RAB11FIP4: variants seen among roughly 807,000 people sequenced by gnomAD.
RAB11FIP4 encodes the protein RAB11 family interacting protein 4, also known as rab11 family-interacting protein 4.
A neutral mutation model predicts 74.3 loss-of-function variants in RAB11FIP4; 23 were observed. The observed-to-expected ratio is 0.31, with a 90% confidence interval of 0.22 to 0.44. The LOEUF (loss-of-function observed/expected upper bound fraction) is 0.44. Ranked by LOEUF, RAB11FIP4 falls within the 20% of genes least tolerant of loss-of-function variation. The pLI is 1.00. For synonymous variants in RAB11FIP4, 360 were observed against 359.9 expected (o/e 1.00, Z 0.00); for missense variants, 630 against 863.9 (o/e 0.73, Z 3.39).
intron 1 of RAB11FIP4, among the ~76,000 whole-genome samples, chr17:31,397,018 G>C (rs138785613): frequency 2.4e-4 from 36 of 152,270 alleles, no homozygotes; most frequent in African/African-American, 8.7e-4. Context: ...CAAAGGGGTT[G>C]GGGTGCTAGG....
rs2072952097 is a variant in RAB11FIP4 at position 31,535,986 on chromosome 17, C to G, written c.*4254C>G. 6.8e-6 allele frequency: 1 copy of G among 147,484 alleles called. No individual in the cohort carries two copies. Among genetic ancestry groups the G allele is most frequent in the South Asian group, 2.1e-4 (1 of 4,674 alleles). 9.1% of individuals were successfully genotyped at this position (147,484 alleles called of 1,614,324 possible). A position where few individuals can be genotyped will look rare whatever the true frequency, so the allele number is the denominator to read the frequency against. ...GTTAGCCAAACCAGCATCCTACTCA[C>G]ACACCGGACACTCCAGGTGCTAGTC... On this transcript the variant is annotated 3_prime_UTR_variant, in exon 15 of 15. Transcript: ENST00000621161.
chr17:31,472,336 G>C (rs2071745757), intron 3 of RAB11FIP4, among the ~76,000 whole-genome samples: 1 of 152,180 alleles, frequency 6.6e-6, no homozygotes, highest in Non-Finnish European at 1.5e-5. Context: ...AGAGTGGCTG[G>C]TTCTGCCCTG....
chr17:31,533,902 G>A lies in RAB11FIP4; in HGVS notation c.*2170G>A, dbSNP rs1472376414. On this transcript the variant is annotated 3_prime_UTR_variant, in exon 15 of 15. Coordinates refer to ENST00000621161, the MANE Select transcript of RAB11FIP4 (RefSeq NM_032932.6). Reference sequence around the variant, plus strand: ...CTGGAGCAGGCCTGGCTTTTAAATGGGGGGCTGAATTCCAGCTCACACACA... The same window carrying A: ...CTGGAGCAGGCCTGGCTTTTAAATGAGGGGCTGAATTCCAGCTCACACACA... 6.6e-6 allele frequency: 1 copy of A among 152,076 alleles called. No homozygotes were observed. Among genetic ancestry groups the A allele is most frequent in the Non-Finnish European group, 1.5e-5 (1 of 67,948 alleles). 9.4% of individuals were successfully genotyped at this position (152,076 alleles called of 1,614,324 possible). A position where few individuals can be genotyped will look rare whatever the true frequency, so the allele number is the denominator to read the frequency against.
In RAB11FIP4 at chr17:31,431,571, G is replaced by T. The variant is rs2071309744; in HGVS notation, c.160-242G>T. 4 of 303,914 alleles carry T rather than the reference G, an allele frequency of 1.3e-5. No individual in the cohort carries two copies. In the Admixed American group the frequency reaches 3.6e-4, roughly 27 times the overall value. 18.8% of individuals were successfully genotyped at this position (303,914 alleles called of 1,614,324 possible). A position where few individuals can be genotyped will look rare whatever the true frequency, so the allele number is the denominator to read the frequency against. On this transcript the variant is annotated intron_variant, in intron 1 of 14. Coordinates refer to ENST00000621161, the MANE Select transcript of RAB11FIP4 (RefSeq NM_032932.6). The stretch of plus-strand genomic sequence containing the variant: ...AAGGAGGCTCGGCCCCTGAAGCCGT[G>T]TGCTCAGGGAGGGTGTGCTCAGGGA...
chr17:31,448,203 G>A (rs981714515), intron 3 of RAB11FIP4, among the ~76,000 whole-genome samples: 1 of 151,978 alleles, frequency 6.6e-6, no homozygotes, highest in Non-Finnish European at 1.5e-5. Flanking sequence ...CTGTGGGGCC[G>A]CTTTATGTAA....
At chr17:31,466,468 G>A (rs1243944419) in intron 3 of RAB11FIP4, among the ~76,000 whole-genome samples, 1 of 152,180 alleles carries the variant, frequency 6.6e-6, no homozygotes, top group Non-Finnish European at 1.5e-5. Context: ...GCATAGTTAT[G>A]TGCTAAGTGT....
intron 9 of RAB11FIP4, 177 bp from the exon 10 acceptor site, chr17:31,524,913 A>G: frequency 1.3e-6 from 1 of 743,040 alleles, no homozygotes; most frequent in Non-Finnish European, 2.2e-6. Context: ...TGTGTGACCG[A>G]CACCCCCTCT....
At chr17:31,513,499 C>G (rs376948994) in intron 3 of RAB11FIP4, among the ~76,000 whole-genome samples, 1 of 152,174 alleles carries the variant, frequency 6.6e-6, no homozygotes, top group East Asian at 1.9e-4. Flanking sequence ...CCCAGAGGGC[C>G]GGGGAAACAA....
chr17:31,487,961 C>G, intron 3 of RAB11FIP4: 11 of 716,480 alleles, frequency 1.5e-5, no homozygotes, highest in Non-Finnish European at 1.7e-5. Context: ...CTGTCCTCCG[C>G]CCCCGCCCCC....
At position 31,508,173 on chromosome 17, in the gene RAB11FIP4, G is replaced by A. The variant is rs116371110; in HGVS notation, c.337-9478G>A. On this transcript the variant is annotated intron_variant, in intron 3 of 14. Transcript: ENST00000621161. ...TGACATGCTCACTTGTTATTGGAACGGAAGTGGCACAGTGGGGAGAGAGGA... is the reference window on the plus strand; with the variant it reads ...TGACATGCTCACTTGTTATTGGAACAGAAGTGGCACAGTGGGGAGAGAGGA... Among the ~76,000 whole-genome samples the A allele has an allele frequency of 7.2e-3, 1,096 of 152,300 alleles. 10 individuals carry two copies. Among genetic ancestry groups the A allele is most frequent in the African/African-American group, 0.025 (1,050 of 41,554 alleles).
intron 3 of RAB11FIP4, among the ~76,000 whole-genome samples, chr17:31,451,691 C>A (rs1470596490): frequency 6.6e-6 from 1 of 152,140 alleles, no homozygotes; most frequent in Non-Finnish European, 1.5e-5. Flanking sequence ...AGGGCCTTTG[C>A]CTGGCTTCCC....
intron 1 of RAB11FIP4, among the ~76,000 whole-genome samples, chr17:31,398,443 C>T (rs2070951914): frequency 6.6e-6 from 1 of 151,872 alleles, no homozygotes; most frequent in Non-Finnish European, 1.5e-5. Context: ...GAAATGCCAG[C>T]GTTGAGAGAC....
intron 3 of RAB11FIP4, among the ~76,000 whole-genome samples, chr17:31,452,684 C>A (rs1300690339): frequency 6.6e-6 from 1 of 152,136 alleles, no homozygotes; most frequent in Non-Finnish European, 1.5e-5. Context: ...CCTCCTCTGC[C>A]CCTCCTCCCT....
In RAB11FIP4 at chr17:31,522,365, A is replaced by G; in HGVS notation, c.899A>G (p.Asn300Ser). 1.9e-6 allele frequency: 3 copies of G among 1,613,886 alleles called. No homozygotes were observed. The highest frequency in any genetic ancestry group is 2.5e-6 in the Non-Finnish European group (3 of 1,179,904). ...RLKNLKANSPNRKISSTAFGR... is the reference protein window; with the variant it reads ...RLKNLKANSPSRKISSTAFGR... ...TGTTTCCTTTCTCTCTCTAGCCCCA[A>G]CCGAAAGATCTCCAGCACGGCCTTT... Residue 300 changes from asparagine (N) to serine (S), a missense_variant, in exon 7 of 15, where the codon AAC becomes AGC. Coordinates refer to ENST00000621161, the MANE Select transcript of RAB11FIP4 (RefSeq NM_032932.6).
At chr17:31,468,881 A>G (rs1028539241) in intron 3 of RAB11FIP4, among the ~76,000 whole-genome samples, 2 of 151,990 alleles carry the variant, frequency 1.3e-5, no homozygotes, top group African/African-American at 4.8e-5. Flanking sequence ...ACACTTAACC[A>G]TGTGAACACA....
chr17:31,398,807 G>A (rs1352155690), intron 1 of RAB11FIP4, among the ~76,000 whole-genome samples: 4 of 152,222 alleles, frequency 2.6e-5, no homozygotes, highest in Admixed American at 2.6e-4. Flanking sequence ...GGCTGGGCCA[G>A]GAGATTCCTG....
chr17:31,403,452 A>G (rs1020586960), intron 1 of RAB11FIP4, among the ~76,000 whole-genome samples: 1 of 151,830 alleles, frequency 6.6e-6, no homozygotes, highest in South Asian at 2.1e-4. Context: ...CCTCCCAAGT[A>G]GCTGGGACTA....
At chr17:31,503,760 C>A (rs2072265454) in intron 3 of RAB11FIP4, among the ~76,000 whole-genome samples, 1 of 149,646 alleles carries the variant, frequency 6.7e-6, no homozygotes, top group Non-Finnish European at 1.5e-5. Context: ...TTGGTCTGTT[C>A]GGGCTCCAGT....
chr17:31,476,697 C>T (rs1378319983), intron 3 of RAB11FIP4, among the ~76,000 whole-genome samples: 3 of 152,228 alleles, frequency 2.0e-5, no homozygotes, highest in African/African-American at 7.2e-5. Flanking sequence ...CCATGAGCAG[C>T]CTGCCTCCCC....
Sources: allele counts gnomAD v4.1 joint callset (sites outside exome capture counted in the v4.1 genomes callset), GRCh38; gene constraint gnomAD v4.1.1; transcripts MANE v1.5; gene names NCBI Gene and HGNC (gene_info 2026-07-23, HGNC 2026-07-21).